Variants in KLF8 observed in about 807,000 individuals in gnomAD.
KLF8 encodes Krueppel-like factor 8.
KLF8 carries 10 observed loss-of-function variants against 18.2 expected under a neutral mutation model. The ratio of observed to expected loss-of-function variants is 0.55; its 90% confidence interval spans 0.34 to 0.93. The LOEUF is 0.93. Ranked by LOEUF, KLF8 falls within the 40% of genes least tolerant of loss-of-function variation. KLF8 has a pLI of 0.02. For synonymous variants in KLF8, 109 were observed against 97.3 expected, an observed-to-expected ratio of 1.12 and a Z score of -0.71; for missense variants, 264 against 277.9, an observed-to-expected ratio of 0.95 and a Z score of 0.36.
At chrX:56,072,320 A>C in the KLF8 span, among the ~76,000 whole-genome samples, 4 of 111,999 alleles carry the variant, frequency 3.6e-5, no homozygotes, top group African/African-American at 9.7e-5. Context: ...GCAGCAAGAA[A>C]AAGCCTCAAC....
the KLF8 span, among the ~76,000 whole-genome samples, chrX:55,991,060 T>C: frequency 3.6e-5 from 4 of 112,319 alleles, no homozygotes; most frequent in Admixed American, 3.7e-4. Context: ...TGCGGAGTTT[T>C]CTGCTGCTTT....
chrX:56,193,816 G>A, the KLF8 span, among the ~76,000 whole-genome samples: 1 of 111,602 alleles, frequency 9.0e-6, no homozygotes, highest in Non-Finnish European at 1.9e-5. Flanking sequence ...ACCATAGGTT[G>A]GAAAGGGTAA....
chrX:56,077,316 G>A, the KLF8 span, among the ~76,000 whole-genome samples: 1 of 111,828 alleles, frequency 8.9e-6, no homozygotes, highest in Admixed American at 9.5e-5. Context: ...ATTAATTTTT[G>A]TACAAGGTGT....
At chrX:56,212,159 A>G in the KLF8 span, among the ~76,000 whole-genome samples, 9 of 111,484 alleles carry the variant, frequency 8.1e-5, no homozygotes, top group South Asian at 3.8e-4. Context: ...CCAGAGTCCT[A>G]TCTTGCTGTG....
the KLF8 span, among the ~76,000 whole-genome samples, chrX:56,200,083 G>A: frequency 9.0e-6 from 1 of 111,011 alleles, no homozygotes; most frequent in Non-Finnish European, 1.9e-5. Context: ...GGCCTTTTGG[G>A]AGGTCTGGGG....
chrX:56,103,312 T>C, the KLF8 span, among the ~76,000 whole-genome samples: 1 of 111,489 alleles, frequency 9.0e-6, no homozygotes, highest in African/African-American at 3.3e-5. Context: ...AGTATGGCCA[T>C]TTTCACGATA....
the KLF8 span, among the ~76,000 whole-genome samples, chrX:56,051,415 C>G: frequency 3.6e-5 from 4 of 110,315 alleles, no homozygotes; most frequent in Non-Finnish European, 7.6e-5. Flanking sequence ...GCCGGTTGTT[C>G]CTTTCCATGT....
At chrX:55,936,738 C>G in the KLF8 span, among the ~76,000 whole-genome samples, 1 of 111,896 alleles carries the variant, frequency 8.9e-6, no homozygotes, top group Non-Finnish European at 1.9e-5. Flanking sequence ...TATCCTGCAC[C>G]TGGTTCAGAG....
At chrX:56,011,093 C>T in the KLF8 span, among the ~76,000 whole-genome samples, 1 of 112,098 alleles carries the variant, frequency 8.9e-6, no homozygotes, top group Non-Finnish European at 1.9e-5. Context: ...ATATTCAGGA[C>T]TTGAACTTAG....
chrX:56,034,941 G>T, the KLF8 span, among the ~76,000 whole-genome samples: 2 of 107,195 alleles, frequency 1.9e-5, no homozygotes, highest in African/African-American at 6.8e-5. Context: ...ATTTTTAGTA[G>T]AGACGGGGTT....
chrX:56,129,207 G>C, the KLF8 span, among the ~76,000 whole-genome samples: 1 of 112,444 alleles, frequency 8.9e-6, no homozygotes, highest in African/African-American at 3.2e-5. Context: ...AGACAGAACA[G>C]GGTGTGGAGA....
chrX:56,152,387 T>G, the KLF8 span, among the ~76,000 whole-genome samples: 1 of 111,270 alleles, frequency 9.0e-6, no homozygotes, highest in South Asian at 3.8e-4. Context: ...TGGGTCTCAC[T>G]TGATGCTCTG....
At chrX:55,940,061 G>C in the KLF8 span, among the ~76,000 whole-genome samples, 15 of 111,504 alleles carry the variant, frequency 1.3e-4, no homozygotes, top group African/African-American at 4.6e-4. Flanking sequence ...AAGCCTGGCA[G>C]AGACACAACA....
At chrX:55,956,129 TTATCTATCTATCTATCTATC>T in the KLF8 span, among the ~76,000 whole-genome samples, 6 of 95,483 alleles carry the variant, frequency 6.3e-5, no homozygotes, top group African/African-American at 2.2e-4. Context: ...ATCTATCTAT[TTATCTATCTATCTATCTATC>T]TATCTATCTA....
the KLF8 span, among the ~76,000 whole-genome samples, chrX:56,136,604 C>A: frequency 2.0e-4 from 22 of 111,301 alleles, no homozygotes; most frequent in East Asian, 6.2e-3. Flanking sequence ...AAAATCAATT[C>A]AAGATGGATT....
At chrX:55,961,644 AT>A in the KLF8 span, 1 of 415,145 alleles carries the variant, frequency 2.4e-6, no homozygotes, top group Admixed American at 3.1e-5. Flanking sequence ...TTCTGCAAAG[AT>A]TTTTTAAGCT....
At chrX:55,938,432 A>G in the KLF8 span, among the ~76,000 whole-genome samples, 2 of 112,037 alleles carry the variant, frequency 1.8e-5, no homozygotes, top group East Asian at 5.6e-4. Context: ...GCCAAATTGT[A>G]AAGACCATCA....
the KLF8 span, among the ~76,000 whole-genome samples, chrX:56,186,169 G>A: frequency 8.9e-5 from 10 of 111,785 alleles, no homozygotes; most frequent in African/African-American, 3.3e-4. Context: ...CAAAATAAAA[G>A]GATGGAGGAA....
chrX:56,255,087 A>C (rs1245117146), intron 2 of KLF8, among the ~76,000 whole-genome samples: 1 of 112,032 alleles, frequency 8.9e-6, no homozygotes, highest in Non-Finnish European at 1.9e-5. Flanking sequence ...TGTCCTCTTC[A>C]ATTTCTTTCT....
Sources: gnomAD v4.1 joint callset for allele counts (sites outside exome capture counted in the v4.1 genomes callset) on GRCh38, gnomAD v4.1.1 for gene constraint, MANE v1.5 for transcripts, NCBI Gene and HGNC (gene_info 2026-07-23, HGNC 2026-07-21) for gene names.